The following ST18 variants were observed in gnomAD, a reference collection of about 807,000 sequenced individuals.
ST18 encodes suppression of tumorigenicity 18 protein.
A neutral mutation model predicts 110.0 loss-of-function variants in ST18; 50 were observed. That is an observed-to-expected ratio of 0.45 (90% CI 0.36 to 0.58). The LOEUF is 0.58. ST18 is among the 20% of genes least tolerant of loss of function. The pLI is 0.00. For synonymous variants in ST18, 461 were observed against 452.4 expected (o/e 1.02, Z -0.24); for missense variants, 1,306 against 1,280.1 (o/e 1.02, Z -0.31).
At chr8:52,224,441 T>C (rs1335416366) in intron 3 of ST18, among the ~76,000 whole-genome samples, 2 of 152,252 alleles carry the variant, frequency 1.3e-5, no homozygotes, top group Non-Finnish European at 2.9e-5. Context: ...TTAGGGCATA[T>C]ACTTTGTTGG....
intron 3 of ST18, among the ~76,000 whole-genome samples, chr8:52,222,265 A>C (rs888693513): frequency 6.6e-6 from 1 of 152,224 alleles, no homozygotes; most frequent in Non-Finnish European, 1.5e-5. Context: ...ACACAGCAGC[A>C]CATCATCTGC....
chr8:52,188,201 G>C (rs1442484441), intron 8 of ST18, among the ~76,000 whole-genome samples: 2 of 152,160 alleles, frequency 1.3e-5, no homozygotes, highest in East Asian at 3.9e-4. Context: ...GAAGATGTTT[G>C]CTTTGGAAAA....
At chr8:52,259,764 A>C (rs890455993) in intron 2 of ST18, among the ~76,000 whole-genome samples, 1 of 152,198 alleles carries the variant, frequency 6.6e-6, no homozygotes, top group Admixed American at 6.5e-5. Context: ...ATTCAGACTC[A>C]GATGGTTTGT....
chr8:52,199,161 C>T (rs1426793051), intron 8 of ST18: 1 of 149,890 alleles, frequency 6.7e-6, no homozygotes, highest in Non-Finnish European at 1.5e-5. Context: ...TATTATACAA[C>T]TGCTCTTTCT....
intron 2 of ST18, among the ~76,000 whole-genome samples, chr8:52,267,164 G>A (rs1163616576): frequency 2.0e-5 from 3 of 152,058 alleles, no homozygotes; most frequent in African/African-American, 7.2e-5. Context: ...GTATGACAGT[G>A]GGGATGAACC....
rs964299062 is a variant in ST18, at chr8:52,276,468, C to T, written c.-464-46391G>A. Reference sequence around the variant, plus strand: ...AAACACAAGATGACCTCTATGAAACCAAAAAAAGGAAAGTTATTTTCCCAG... The same window carrying T: ...AAACACAAGATGACCTCTATGAAACTAAAAAAAGGAAAGTTATTTTCCCAG... On this transcript the variant is annotated intron_variant, in intron 2 of 25. Transcript: ENST00000689386. Among the ~76,000 whole-genome samples the T allele has an allele frequency of 6.6e-5, 10 of 151,822 alleles. No individual in the cohort carries two copies. In the South Asian group the frequency reaches 2.1e-3, roughly 32 times the overall value.
chr8:52,381,886 C>CT (rs1275003106), intron 2 of ST18, among the ~76,000 whole-genome samples: 1 of 150,624 alleles, frequency 6.6e-6, no homozygotes, highest in African/African-American at 2.5e-5. Context: ...ACTAATCTTG[C>CT]TTTTTTGTGA....
At chr8:52,369,989 C>T (rs1040165465) in intron 2 of ST18, among the ~76,000 whole-genome samples, 3 of 152,184 alleles carry the variant, frequency 2.0e-5, no homozygotes, top group African/African-American at 7.2e-5. Context: ...CTAGTCAGAC[C>T]GATGCAGGTT....
chr8:52,168,781 TG>T (rs1250571273), intron 10 of ST18, among the ~76,000 whole-genome samples: 1 of 152,168 alleles, frequency 6.6e-6, no homozygotes. Flanking sequence ...TGTGGATATA[TG>T]TTTTATTTAA....
At chr8:52,220,375 A>G (rs377136918) in intron 5 of ST18, among the ~76,000 whole-genome samples, 53 of 152,350 alleles carry the variant, frequency 3.5e-4, no homozygotes, top group African/African-American at 1.2e-3. Context: ...TGCTTTTAAA[A>G]TCTTGCTTAT....
chr8:52,127,262 A>T (rs2047453445), intron 22 of ST18, among the ~76,000 whole-genome samples: 1 of 152,342 alleles, frequency 6.6e-6, no homozygotes, highest in African/African-American at 2.4e-5. Context: ...ATATACTATT[A>T]CATATATAGA....
chr8:52,364,634 T>C (rs1044358122), intron 2 of ST18, among the ~76,000 whole-genome samples: 1 of 152,222 alleles, frequency 6.6e-6, no homozygotes, highest in African/African-American at 2.4e-5. Context: ...TTTCACTAAA[T>C]GGAGAGGTAT....
At chr8:52,173,645 C>T (rs1253445535) in intron 9 of ST18, among the ~76,000 whole-genome samples, 1 of 152,198 alleles carries the variant, frequency 6.6e-6, no homozygotes, top group Non-Finnish European at 1.5e-5. Context: ...GTGTGCCCAG[C>T]TCACACCAGG....
chr8:52,173,276 T>TCTGGTCCATTACTTGCATGCA (rs2065653947), intron 9 of ST18, among the ~76,000 whole-genome samples: 1 of 152,238 alleles, frequency 6.6e-6, no homozygotes, highest in Non-Finnish European at 1.5e-5. Flanking sequence ...TAACACATTT[T>TCTGGTCCATTACTTGCATGCA]CTGGTCCATT....
intron 2 of ST18, among the ~76,000 whole-genome samples, chr8:52,337,005 A>C (rs948422588): frequency 3.9e-5 from 6 of 152,244 alleles, no homozygotes; most frequent in Non-Finnish European, 7.3e-5. Context: ...GATTTTGACA[A>C]AAAGTAATGC....
chr8:52,375,905 T>G (rs2140726711), intron 2 of ST18, among the ~76,000 whole-genome samples: 1 of 152,140 alleles, frequency 6.6e-6, no homozygotes, highest in East Asian at 1.9e-4. Context: ...CTCCCGTTAA[T>G]TGCTCAAATC....
chr8:52,166,281 T>A (rs2133439368), intron 11 of ST18, among the ~76,000 whole-genome samples: 1 of 152,308 alleles, frequency 6.6e-6, no homozygotes, highest in East Asian at 1.9e-4. Context: ...CCAGAGAGAA[T>A]GAACAACTTT....
intron 16 of ST18, among the ~76,000 whole-genome samples, chr8:52,144,143 G>T (rs1263531862): frequency 6.6e-6 from 1 of 151,982 alleles, no homozygotes; most frequent in Non-Finnish European, 1.5e-5. Context: ...TTATTTCACA[G>T]ATAACAAATG....
In ST18 at chr8:52,178,858, C is replaced by T. The variant is rs147487850; in HGVS notation, c.277+1264G>A. Among the ~76,000 whole-genome samples the T allele has an allele frequency of 9.9e-5, 15 of 151,682 alleles. 1 individual carries two copies. Among genetic ancestry groups the T allele is most frequent in the East Asian group, 5.8e-4 (3 of 5,142 alleles). On this transcript the variant is annotated intron_variant, in intron 9 of 25. Coordinates refer to ENST00000689386, the MANE Select transcript of ST18 (RefSeq NM_001352837.2). ...AATCAGAATACAACTTTGTTTTAAG[C>T]GCAGAATTGCAAACTCTATTTTCAA...
Sources: allele counts gnomAD v4.1 joint callset (sites outside exome capture counted in the v4.1 genomes callset), GRCh38; gene constraint gnomAD v4.1.1; transcripts MANE v1.5; gene names NCBI Gene and HGNC (gene_info 2026-07-23, HGNC 2026-07-21).